Variants in PPARGC1A observed in about 807,000 individuals in gnomAD.
PPARGC1A encodes PPARG coactivator 1 alpha, also known as peroxisome proliferator-activated receptor gamma coactivator 1-alpha.
Under a neutral mutation model 88.7 loss-of-function variants are expected in PPARGC1A, and 25 were observed. The ratio of observed to expected loss-of-function variants is 0.28; its 90% CI spans 0.21 to 0.39. PPARGC1A has a LOEUF of 0.39. Ranked by LOEUF, PPARGC1A falls within the 10% of genes least tolerant of loss-of-function variation. The pLI is 1.00. For synonymous variants in PPARGC1A, 363 were observed against 355.6 expected (o/e 1.02, Z -0.24); for missense variants, 880 against 968.7 (o/e 0.91, Z 1.22).
Position 23,813,024 on chromosome 4 carries a change from G to C in PPARGC1A, c.1895C>G (p.Pro632Arg). 1.9e-6 allele frequency: 3 copies of C among 1,613,954 alleles called. No individual in the cohort carries two copies. Among genetic ancestry groups the C allele is most frequent in the Non-Finnish European group, 2.5e-6 (3 of 1,179,894 alleles). The change falls in exon 9 of 13, where the codon CCC becomes CGC. Residue 632 changes from proline to arginine, a missense_variant. Physicochemically the swap from Pro to Arg is moderately radical, Grantham distance 103 (BLOSUM62 -2). Transcript: ENST00000264867. ...SRSRSPYSRR[P>R]RYDSYEEYQH... ...GGAAAATGACATGCCTCATTACCTG[G>C]GCCGACGGCTGTAGGGCGATCTTGA...
At chr4:24,041,741 A>T in the PPARGC1A span, among the ~76,000 whole-genome samples, 1 of 152,144 alleles carries the variant, frequency 6.6e-6, no homozygotes, top group Admixed American at 6.5e-5. Flanking sequence ...ACACACACCC[A>T]TGAAGCACAT....
At chr4:24,041,929 A>G in the PPARGC1A span, among the ~76,000 whole-genome samples, 2 of 151,994 alleles carry the variant, frequency 1.3e-5, no homozygotes, top group Admixed American at 6.6e-5. Flanking sequence ...AAAAAGAAAG[A>G]AAAGAAAGAA....
chr4:24,456,522 T>C, the PPARGC1A span, among the ~76,000 whole-genome samples: 55,456 of 151,834 alleles, frequency 0.37, 12,152 homozygotes, highest in African/African-American at 0.61. Flanking sequence ...CATTCTTTGG[T>C]ATGGCTGGTT....
the PPARGC1A span, among the ~76,000 whole-genome samples, chr4:24,209,452 C>T: frequency 6.6e-6 from 1 of 152,174 alleles, no homozygotes; most frequent in African/African-American, 2.4e-5. Flanking sequence ...GCATAGGCTG[C>T]TACTGACATT....
the PPARGC1A span, among the ~76,000 whole-genome samples, chr4:24,187,000 C>T: frequency 6.6e-6 from 1 of 152,170 alleles, no homozygotes; most frequent in East Asian, 1.9e-4. Context: ...CCAAACATTA[C>T]TCTTCCTACA....
At chr4:24,033,524 C>T in the PPARGC1A span, among the ~76,000 whole-genome samples, 8 of 152,140 alleles carry the variant, frequency 5.3e-5, no homozygotes, top group African/African-American at 1.9e-4. Flanking sequence ...AAATAATCTT[C>T]TCCTGCCCCA....
chr4:23,960,314 G>A, the PPARGC1A span, among the ~76,000 whole-genome samples: 3 of 152,110 alleles, frequency 2.0e-5, no homozygotes, highest in African/African-American at 7.2e-5. Flanking sequence ...GCATTGAGTA[G>A]GTGGAGGCCA....
At chr4:24,204,042 TAA>T in the PPARGC1A span, among the ~76,000 whole-genome samples, 14 of 152,272 alleles carry the variant, frequency 9.2e-5, no homozygotes, top group African/African-American at 3.4e-4. Context: ...GAAAATGAGA[TAA>T]AAGTCAAGAT....
chr4:23,964,549 T>C, the PPARGC1A span, among the ~76,000 whole-genome samples: 1 of 152,180 alleles, frequency 6.6e-6, no homozygotes, highest in Non-Finnish European at 1.5e-5. Context: ...CTGCAGAATA[T>C]TCAGGTAAAA....
chr4:24,053,616 A>G, the PPARGC1A span, among the ~76,000 whole-genome samples: 1 of 152,250 alleles, frequency 6.6e-6, no homozygotes, highest in African/African-American at 2.4e-5. Context: ...ATGGTGAATA[A>G]GAATAAAGGC....
At chr4:23,872,509 A>G (rs1713610712) in intron 2 of PPARGC1A, among the ~76,000 whole-genome samples, 1 of 152,210 alleles carries the variant, frequency 6.6e-6, no homozygotes, top group Admixed American at 6.5e-5. Flanking sequence ...AATGCTCTCC[A>G]GCAGAATTCC....
chr4:23,969,005 CAG>C, the PPARGC1A span, among the ~76,000 whole-genome samples: 3 of 152,126 alleles, frequency 2.0e-5, no homozygotes, highest in Non-Finnish European at 2.9e-5. Context: ...GGGCTTTCAC[CAG>C]AGAGAGTGTT....
At chr4:23,939,230 C>A in the PPARGC1A span, among the ~76,000 whole-genome samples, 2 of 152,094 alleles carry the variant, frequency 1.3e-5, no homozygotes, top group African/African-American at 2.4e-5. Flanking sequence ...ATATCAAACC[C>A]CCCCCCAAAT....
chr4:24,339,231 TATATATACACAC>T, the PPARGC1A span, among the ~76,000 whole-genome samples: 30 of 121,390 alleles, frequency 2.5e-4, no homozygotes, highest in African/African-American at 7.3e-4. Flanking sequence ...TATATATATA[TATATATACACAC>T]ACACACACAC....
the PPARGC1A span, among the ~76,000 whole-genome samples, chr4:24,082,086 G>A: frequency 9.9e-5 from 15 of 152,042 alleles, no homozygotes; most frequent in East Asian, 1.9e-4. Flanking sequence ...TTGTTCACCC[G>A]AACTCCTCTG....
At chr4:24,471,949 C>T in the PPARGC1A span, among the ~76,000 whole-genome samples, 2 of 152,282 alleles carry the variant, frequency 1.3e-5, no homozygotes, top group South Asian at 4.1e-4. The surrounding 1 kb of genome is among the most constrained non-coding windows in gnomAD (Gnocchi z 5.4). Flanking sequence ...GGGGGGCTTG[C>T]GGCTCTGCAG....
the PPARGC1A span, among the ~76,000 whole-genome samples, chr4:24,102,672 T>G: frequency 6.6e-6 from 1 of 152,210 alleles, no homozygotes; most frequent in South Asian, 2.1e-4. Context: ...CCGGGAACTT[T>G]TGATTTCCAC....
chr4:24,073,699 GATGGGGAAAAC>G, the PPARGC1A span, among the ~76,000 whole-genome samples: 31 of 152,302 alleles, frequency 2.0e-4, no homozygotes, highest in Non-Finnish European at 4.4e-4. Flanking sequence ...CCATTTTACA[GATGGGGAAAAC>G]ATGGAGGTTA....
the PPARGC1A span, among the ~76,000 whole-genome samples, chr4:24,357,149 A>G: frequency 6.6e-6 from 1 of 152,206 alleles, no homozygotes; most frequent in South Asian, 2.1e-4. Context: ...TTGCTCATCA[A>G]CACACCTTAC....
Sources: allele counts gnomAD v4.1 joint callset (sites outside exome capture counted in the v4.1 genomes callset), GRCh38; gene constraint gnomAD v4.1.1; non-coding constraint Gnocchi (gnomAD v3.1); transcripts MANE v1.5; gene names NCBI Gene and HGNC (gene_info 2026-07-23, HGNC 2026-07-21).